Variants in HAUS5 observed in about 807,000 individuals in gnomAD.
HAUS5 encodes HAUS augmin like complex subunit 5.
Under a neutral mutation model 94.1 loss-of-function variants are expected in HAUS5, and 67 were observed. That is an observed-to-expected ratio of 0.71 (90% CI 0.58 to 0.87). The LOEUF is 0.87. Among genes scored for constraint, HAUS5 ranks in the 40% least tolerant of loss-of-function variants. The pLI is 0.00. For missense variants in HAUS5, 739 were observed against 825.6 expected, an observed-to-expected ratio of 0.90 and a Z score of 1.29; for synonymous variants, 339 against 355.4, an observed-to-expected ratio of 0.95 and a Z score of 0.52.
chr19:35,614,120 T>C (rs1204713721), intron 4 of HAUS5, 61 bp downstream of exon 4: 2 of 1,482,960 alleles, frequency 1.3e-6, no homozygotes, highest in Non-Finnish European at 9.4e-7. Context: ...GATCTTCTGC[T>C]CTAAGCCCAA....
intron 13 of HAUS5, 138 bp from the exon 14 acceptor site, chr19:35,619,286 G>T: frequency 1.3e-6 from 1 of 745,860 alleles, no homozygotes; most frequent in Non-Finnish European, 2.2e-6. Flanking sequence ...AAAGAATGCT[G>T]TCACTTAAAA....
chr19:35,614,243 C>G, intron 4 of HAUS5, 184 bp downstream of exon 4: 3 of 649,434 alleles, frequency 4.6e-6, no homozygotes, highest in Non-Finnish European at 8.3e-6. Flanking sequence ...TGCAGTGGCT[C>G]ACACCTGTAA....
rs566069246 is a variant in HAUS5 at position 35,617,813 on chromosome 19, C to T, written c.639-42C>T. The T allele has an allele frequency of 4.2e-5, 66 of 1,553,930 alleles. No homozygotes were observed. In the East Asian group the frequency reaches 7.2e-4, roughly 17 times the overall value. ...GTGGTGATAACTAGAGGATAATTGA[C>T]GTGTCTTGTAACGTTCTCTGTCCGC... is the stretch of plus-strand genomic sequence containing the variant. On this transcript the variant is annotated intron_variant, in intron 8 of 18. Transcript: ENST00000203166.
chr19:35,613,936 C>G lies in HAUS5; in HGVS notation c.194+36C>G, dbSNP rs751486029. The G allele has an allele frequency of 5.0e-6, 8 of 1,612,256 alleles. No homozygotes were observed. In the Admixed American group the frequency reaches 5.0e-5, roughly 10 times the overall value. ...CTTAAAGCTATCCCCTCCTGTCTTC[C>G]CCACTCCCATTTAGCCCTGTCCCCA... On this transcript the variant is annotated intron_variant, in intron 3 of 18. Coordinates refer to ENST00000203166, the MANE Select transcript of HAUS5 (RefSeq NM_015302.2).
chr19:35,620,990 G>A (rs1464794376), intron 17 of HAUS5, among the ~76,000 whole-genome samples: 2 of 152,200 alleles, frequency 1.3e-5, no homozygotes, highest in East Asian at 3.8e-4. Flanking sequence ...ATTCATTCCT[G>A]GATTCACTCA....
At chr19:35,616,654 A>C (rs2071945925) in intron 6 of HAUS5, among the ~76,000 whole-genome samples, 1 of 151,988 alleles carries the variant, frequency 6.6e-6, no homozygotes, top group South Asian at 2.1e-4. Context: ...AGTAGCTGGG[A>C]TTATAGGCGC....
At chr19:35,620,795 G>T (rs1967198349) in intron 17 of HAUS5, among the ~76,000 whole-genome samples, 1 of 152,356 alleles carries the variant, frequency 6.6e-6, no homozygotes, top group East Asian at 1.9e-4. Context: ...GTGCTGGGCA[G>T]ATTGAGGCAG....
In HAUS5 at chr19:35,620,323, C is replaced by A. The variant is rs1967190602; in HGVS notation, c.1647C>A (p.Thr549=). The change falls in exon 17 of 19, where the codon ACC becomes ACA. Residue 549 remains threonine, a synonymous_variant. Transcript: ENST00000203166. ...CCAGCCTGCCGCCAGGCCTTCCCAC[C>A]CAGGGTAGGTCTGCCCTGCCACCCC... ...MKTSLPPGLP[T]QELLQIQASQ... 6.2e-7 allele frequency: 1 copy of A among 1,612,484 alleles called. No homozygotes were observed. The highest frequency in any genetic ancestry group is 8.5e-7 in the Non-Finnish European group (1 of 1,179,466).
chr19:35,618,273 C>A (rs1967139374), intron 10 of HAUS5, 78 bp downstream of exon 10: 43 of 1,600,268 alleles, frequency 2.7e-5, no homozygotes, highest in Non-Finnish European at 3.3e-5. Context: ...ACCCCTGGCC[C>A]AGCCACCTGC....
chr19:35,619,361 C>A, intron 13 of HAUS5, 63 bp from the exon 14 acceptor site: 1 of 1,323,902 alleles, frequency 7.6e-7, no homozygotes, highest in Non-Finnish European at 1.1e-6. Context: ...AGGACCTAAG[C>A]AGAGAGGCAC....
Position 35,618,955 on chromosome 19 carries a change from G to T in HAUS5, c.1085G>T (p.Ser362Ile), listed in dbSNP as rs759729048. Reference protein sequence around the residue: ...WTELKALHDQSQELQDAAGHR... With the variant: ...WTELKALHDQIQELQDAAGHR... ...GAGCTCAAGGCCCTGCACGATCAGA[G>T]CCAGGAGCTGCAGGATGCAGCTGGG... The change falls in exon 13 of 19, where the codon AGC (serine) becomes ATC (isoleucine). Residue 362 changes from serine to isoleucine, a missense_variant. Ser to Ile is a moderately radical substitution (Grantham distance 142, BLOSUM62 -2). Transcript: ENST00000203166. 3 of 1,613,734 alleles carry T rather than the reference G, an allele frequency of 1.9e-6. No homozygotes were observed. Among genetic ancestry groups the T allele is most frequent in the South Asian group, 2.2e-5 (2 of 91,054 alleles).
intron 4 of HAUS5, 106 bp from the exon 5 acceptor site, chr19:35,614,936 G>C (rs2071927727): frequency 6.8e-6 from 5 of 733,286 alleles, no homozygotes; most frequent in African/African-American, 1.8e-5. Context: ...CACAGAAACT[G>C]CTGAGCAAAA....
rs1168019060 is a variant in HAUS5, at chr19:35,625,100, C to T, written c.*2107C>T. The T allele has an allele frequency of 6.6e-6, 1 of 152,176 alleles. No homozygotes were observed. The highest frequency in any genetic ancestry group is 2.1e-4 in the South Asian group (1 of 4,828). 9.4% of individuals were successfully genotyped at this position (152,176 alleles called of 1,614,324 possible). ...ACTCAACAAAATCTTCAACTTCATA[C>T]AGTAGTCACATTGTTAGTAATAACA... On this transcript the variant is annotated 3_prime_UTR_variant, in exon 19 of 19. Transcript: ENST00000203166.
intron 13 of HAUS5, 63 bp downstream of exon 13, chr19:35,619,112 G>A (rs1265040418): frequency 6.8e-7 from 1 of 1,465,606 alleles, no homozygotes. Flanking sequence ...CTATGGCTAA[G>A]AACTGGGCCT....
rs1967165805 is a variant in HAUS5, at chr19:35,619,413, T to C, written c.1180-11T>C. 6.4e-7 allele frequency: 1 copy of C among 1,573,402 alleles called. No individual in the cohort carries two copies. Among genetic ancestry groups the C allele is most frequent in the Non-Finnish European group, 8.6e-7 (1 of 1,156,250 alleles). On this transcript the variant is annotated splice_polypyrimidine_tract_variant and intron_variant, in intron 13 of 18. Coordinates refer to ENST00000203166, the MANE Select transcript of HAUS5 (RefSeq NM_015302.2). ...GGGAGGAGTGGGTCTCAGGGTATCC[T>C]GGTTCCTCAGGAGGAGACCCAGGAA... is the stretch of plus-strand genomic sequence containing the variant.
intron 17 of HAUS5, among the ~76,000 whole-genome samples, chr19:35,621,999 G>A (rs746964265): frequency 1.3e-5 from 2 of 152,170 alleles, no homozygotes; most frequent in Non-Finnish European, 2.9e-5. Context: ...TAGAGCAGGC[G>A]GAGGAGGAAG....
At chr19:35,612,975 T>C in intron 1 of HAUS5, 83 bp downstream of exon 1, 1 of 973,614 alleles carries the variant, frequency 1.0e-6, no homozygotes, top group Non-Finnish European at 1.5e-6. Flanking sequence ...CATTGAGGAC[T>C]CGACTCCCCC....
In HAUS5 at chr19:35,625,064, C is replaced by T. The variant is rs1967284972; in HGVS notation, c.*2071C>T. The stretch of plus-strand genomic sequence containing the variant: ...TCCTCATCACAGTTCCCAGCCCCCA[C>T]CTTCAACTGAACTCAACAAAATCTT... On this transcript the variant is annotated 3_prime_UTR_variant, in exon 19 of 19. Transcript: ENST00000203166. The T allele has an allele frequency of 6.6e-6, 1 of 152,200 alleles. No individual in the cohort carries two copies. The highest frequency in any genetic ancestry group is 1.5e-5 in the Non-Finnish European group (1 of 68,028). The allele number at this position is 152,200 out of a possible 1,614,324, so 9.4% of individuals were successfully genotyped here. A position where few individuals can be genotyped will look rare whatever the true frequency, so the allele number is the denominator to read the frequency against.
In HAUS5 at chr19:35,618,682, C is replaced by T; in HGVS notation, c.999C>T (p.Val333=). 1.3e-6 allele frequency: 2 copies of T among 1,599,372 alleles called. No homozygotes were observed. The highest frequency in any genetic ancestry group is 1.7e-6 in the Non-Finnish European group (2 of 1,170,138). Residue 333 remains valine (V), a synonymous_variant, in exon 12 of 19, where the codon GTC becomes GTT. Transcript: ENST00000203166. ...TGGTGGAGGAGGTGGAGAGACGCGT[C>T]CTGGGATCCAGTGAGAGGTGGGGGG... is the stretch of plus-strand genomic sequence containing the variant. ...QGLVEEVERR[V]LGSSERQVLI... is the part of the protein sequence containing the mutation.
Sources: allele counts gnomAD v4.1 joint callset (sites outside exome capture counted in the v4.1 genomes callset), GRCh38; gene constraint gnomAD v4.1.1; transcripts MANE v1.5; gene names NCBI Gene and HGNC (gene_info 2026-07-23, HGNC 2026-07-21).